The following IQCH variants were observed in gnomAD, a reference collection of about 807,000 sequenced individuals.
IQCH encodes the protein IQ motif containing H.
Under a neutral mutation model 117.0 loss-of-function variants are expected in IQCH, and 98 were observed. The ratio of observed to expected loss-of-function variants is 0.84; its 90% CI spans 0.71 to 0.99. The LOEUF (loss-of-function observed/expected upper bound fraction) is 0.99, where lower values mean the gene tolerates loss of function less well. Among genes scored for constraint, IQCH ranks in the 50% least tolerant of loss-of-function variants. The probability of loss-of-function intolerance (pLI) is 0.00; values close to 1 mark genes in which losing one functional copy is unlikely to be tolerated. For missense variants in IQCH, 1,102 were observed against 1,243.8 expected, an observed-to-expected ratio of 0.89 and a Z score of 1.72; for synonymous variants, 412 against 448.2, an observed-to-expected ratio of 0.92 and a Z score of 1.02.
Position 67,416,844 on chromosome 15 carries a change from T to G in IQCH, c.2098-87T>G. ...ACAGTAACCACATTTTTTTTGCCTGTTGGAGGCCTGGTTTTTAATCACTCC... is the reference window on the plus strand; with the variant it reads ...ACAGTAACCACATTTTTTTTGCCTGGTGGAGGCCTGGTTTTTAATCACTCC... On this transcript the variant is annotated intron_variant, in intron 14 of 20. Coordinates refer to ENST00000335894, the MANE Select transcript of IQCH (RefSeq NM_001031715.3). The surrounding 1 kb of genome is among the most constrained non-coding windows in gnomAD (Gnocchi z 5.1). 8 of 1,135,568 alleles carry G rather than the reference T, an allele frequency of 7.0e-6. No homozygotes were observed. The highest frequency in any genetic ancestry group is 3.0e-5 in the East Asian group (1 of 33,148). The allele number at this position is 1,135,568 out of a possible 1,614,324, so 70.3% of individuals were successfully genotyped here.
At chr15:67,357,113 A>G (rs1299138679) in intron 6 of IQCH, among the ~76,000 whole-genome samples, 1 of 152,208 alleles carries the variant, frequency 6.6e-6, no homozygotes, top group Non-Finnish European at 1.5e-5. Context: ...GGCAGTTTGC[A>G]TAAGGCGGGC....
rs533342227 is a variant in IQCH, at chr15:67,500,247, T to C, written c.2971-386T>C. ...TTTAGGGTGACTAGACCAATGCTTCTCAAATTATCCATAATAAGGAAACTA... is the reference window on the plus strand; with the variant it reads ...TTTAGGGTGACTAGACCAATGCTTCCCAAATTATCCATAATAAGGAAACTA... On this transcript the variant is annotated intron_variant, in intron 20 of 20. Coordinates refer to ENST00000335894, the MANE Select transcript of IQCH (RefSeq NM_001031715.3). This position sits in a 1 kb window ranked among gnomAD's most constrained non-coding sequence, Gnocchi z 4.4. Among the ~76,000 whole-genome samples, 4 of 152,300 alleles carry C rather than the reference T, an allele frequency of 2.6e-5. No homozygotes were observed. The highest frequency in any genetic ancestry group is 7.2e-5 in the African/African-American group (3 of 41,562).
chr15:67,462,197 C>T (rs981908558), intron 16 of IQCH, among the ~76,000 whole-genome samples: 2 of 151,182 alleles, frequency 1.3e-5, no homozygotes, highest in Non-Finnish European at 2.9e-5. Context: ...TTTGGGAGGC[C>T]GAGAGTGGAT....
rs1329522299 is a variant in IQCH, at chr15:67,436,518, A to G, written c.2505+14941A>G. 6.6e-6 allele frequency among the ~76,000 whole-genome samples: 1 copy of G among 152,152 alleles called. No homozygotes were observed. The highest frequency in any genetic ancestry group is 1.5e-5 in the Non-Finnish European group (1 of 68,024). On this transcript the variant is annotated intron_variant, in intron 16 of 20. Coordinates refer to ENST00000335894, the MANE Select transcript of IQCH (RefSeq NM_001031715.3). The surrounding 1 kb of genome is among the most constrained non-coding windows in gnomAD (Gnocchi z 5.1). ...CGGTAAATCTCCACAGGGAGAAGGAATTCTCTAGCTAAAGTTTGTAACAAC... is the reference window on the plus strand; with the variant it reads ...CGGTAAATCTCCACAGGGAGAAGGAGTTCTCTAGCTAAAGTTTGTAACAAC...
At chr15:67,296,507 G>C (rs539409126) in intron 4 of IQCH, among the ~76,000 whole-genome samples, 1 of 152,220 alleles carries the variant, frequency 6.6e-6, no homozygotes, top group East Asian at 1.9e-4. Context: ...AGACGTATTG[G>C]ATTCAGTGAT....
At chr15:67,397,817 T>G (rs1464375096) in intron 13 of IQCH, among the ~76,000 whole-genome samples, 2 of 152,280 alleles carry the variant, frequency 1.3e-5, no homozygotes, top group African/African-American at 4.8e-5. Context: ...CATAAAGTCA[T>G]TTTGTTTAGG....
Position 67,358,207 on chromosome 15 carries a change from C to CTTTTTTTTTTTTTTTT in IQCH, c.714+801_714+802insTTTTTTTTTTTTTTTT, listed in dbSNP as rs71142373. Among the ~76,000 whole-genome samples, 100 of 10,454 alleles carry CTTTTTTTTTTTTTTTT rather than the reference C, an allele frequency of 9.6e-3. 44 individuals are homozygous for CTTTTTTTTTTTTTTTT. The highest frequency in any genetic ancestry group is 0.016 in the African/African-American group (48 of 2,910). The allele number at this position is 10,454 out of a possible 152,430, so 6.9% of individuals were successfully genotyped here. ...TAACCATCATGAGGCACTTTCTTTT[C>CTTTTTTTTTTTTTTTT]TTTTTTTTTTTTTTTGAGATGGAGT... is the stretch of plus-strand genomic sequence containing the variant. On this transcript the variant is annotated intron_variant, in intron 7 of 20. Coordinates refer to ENST00000335894, the MANE Select transcript of IQCH (RefSeq NM_001031715.3).
At position 67,286,571 on chromosome 15, in the gene IQCH, T is replaced by C. The variant is rs530729828; in HGVS notation, c.387+7059T>C. Among the ~76,000 whole-genome samples the C allele has an allele frequency of 1.3e-4, 20 of 149,036 alleles. No homozygotes were observed. In the South Asian group the frequency reaches 3.5e-3, roughly 26 times the overall value. ...CAGTATGATACTAGCTGTGGGTCTG[T>C]CATATATGGCTTTTATTTATTTATT... is the stretch of plus-strand genomic sequence containing the variant. On this transcript the variant is annotated intron_variant, in intron 4 of 20. Coordinates refer to ENST00000335894, the MANE Select transcript of IQCH (RefSeq NM_001031715.3).
At chr15:67,374,980 A>G (rs898042297) in intron 10 of IQCH, among the ~76,000 whole-genome samples, 8 of 152,330 alleles carry the variant, frequency 5.3e-5, no homozygotes, top group Non-Finnish European at 1.0e-4. Flanking sequence ...GGTGTGATAG[A>G]CACAAACTTC....
chr15:67,451,618 T>C (rs556176018), intron 16 of IQCH, among the ~76,000 whole-genome samples: 1 of 152,210 alleles, frequency 6.6e-6, no homozygotes, highest in East Asian at 1.9e-4. Context: ...TTATTTTACA[T>C]TTGCTGAGGA....
At position 67,496,350 on chromosome 15, in the gene IQCH, C is replaced by T. The variant is rs2083809762; in HGVS notation, c.2970+1984C>T. Among the ~76,000 whole-genome samples the T allele has an allele frequency of 6.6e-6, 1 of 152,140 alleles. No homozygotes were observed. The highest frequency in any genetic ancestry group is 1.5e-5 in the Non-Finnish European group (1 of 68,010). ...ATGTAACATTCTTTTCTGATAAAAA[C>T]ATTCAACAAAGTAAAAATAGAAGGT... On this transcript the variant is annotated intron_variant, in intron 20 of 20. Transcript: ENST00000335894. This position sits in a 1 kb window ranked among gnomAD's most constrained non-coding sequence, Gnocchi z 4.4.
intron 4 of IQCH, among the ~76,000 whole-genome samples, chr15:67,328,365 C>G (rs577845798): frequency 1.3e-5 from 2 of 152,238 alleles, no homozygotes; most frequent in East Asian, 1.9e-4. Context: ...ACATTCTTTG[C>G]TCTTTTTCTT....
Position 67,422,186 on chromosome 15 carries a change from T to C in IQCH, c.2505+609T>C, listed in dbSNP as rs1444708873. On this transcript the variant is annotated intron_variant, in intron 16 of 20. Coordinates refer to ENST00000335894, the MANE Select transcript of IQCH (RefSeq NM_001031715.3). This position sits in a 1 kb window ranked among gnomAD's most constrained non-coding sequence, Gnocchi z 4.7. Reference sequence around the variant, plus strand: ...CCCTCAATTCTGTCCATTAGTGTTATCCCTATGTATCATGAAACTATTTTA... The same window carrying C: ...CCCTCAATTCTGTCCATTAGTGTTACCCCTATGTATCATGAAACTATTTTA... 6.6e-6 allele frequency among the ~76,000 whole-genome samples: 1 copy of C among 152,070 alleles called. No individual in the cohort carries two copies. Among genetic ancestry groups the C allele is most frequent in the Non-Finnish European group, 1.5e-5 (1 of 68,026 alleles).
intron 5 of IQCH, among the ~76,000 whole-genome samples, chr15:67,343,494 A>G (rs1969258225): frequency 6.6e-6 from 1 of 152,252 alleles, no homozygotes; most frequent in African/African-American, 2.4e-5. Flanking sequence ...AATGCTAGGA[A>G]TTGTAAATTA....
chr15:67,396,146 A>T (rs921653340), intron 13 of IQCH, among the ~76,000 whole-genome samples: 1 of 152,304 alleles, frequency 6.6e-6, no homozygotes, highest in Admixed American at 6.5e-5. Context: ...ATTCATCATC[A>T]TATCAGCTTG....
chr15:67,450,015 G>A (rs1235654763), intron 16 of IQCH, among the ~76,000 whole-genome samples: 3 of 152,072 alleles, frequency 2.0e-5, no homozygotes, highest in Non-Finnish European at 4.4e-5. Flanking sequence ...CTCATGATTT[G>A]CCTCTCTGTT....
At chr15:67,435,190 G>A (rs2082109643) in intron 16 of IQCH, among the ~76,000 whole-genome samples, 1 of 151,550 alleles carries the variant, frequency 6.6e-6, no homozygotes, top group Non-Finnish European at 1.5e-5. Context: ...ATCTGAAGAG[G>A]TGTGAAGTGA....
In IQCH at chr15:67,261,359, G is replaced by A. The variant is rs1162359270; in HGVS notation, c.139G>A (p.Glu47Lys). The A allele has an allele frequency of 6.3e-7, 1 of 1,590,750 alleles. No individual in the cohort carries two copies. The highest frequency in any genetic ancestry group is 1.9e-5 in the Admixed American group (1 of 52,414). The change falls in exon 2 of 21, where the codon GAA becomes AAA. Residue 47 changes from glutamate to lysine, a missense_variant. Glu to Lys is a moderately conservative substitution (Grantham distance 56, BLOSUM62 1). Around this residue, in one of 2 missense-constraint regions of IQCH, gnomAD observed 452 missense variants for 449.6 expected, o/e 1.01. Coordinates refer to ENST00000335894, the MANE Select transcript of IQCH (RefSeq NM_001031715.3). ...KGETLDIQSL[E>K]TAIKRTEVGL... ...AGAGACTCTAGACATTCAGAGTCTT[G>A]AAACAGCAATCAAAAGGACTGAAGT...
rs767348919 is a variant in IQCH, at chr15:67,359,500, G to A, written c.715-347G>A. Among the ~76,000 whole-genome samples, 2 of 152,210 alleles carry A rather than the reference G, an allele frequency of 1.3e-5. No individual in the cohort carries two copies. The highest frequency in any genetic ancestry group is 4.8e-5 in the African/African-American group (2 of 41,466). On this transcript the variant is annotated intron_variant, in intron 7 of 20. Coordinates refer to ENST00000335894, the MANE Select transcript of IQCH (RefSeq NM_001031715.3). This position sits in a 1 kb window ranked among gnomAD's most constrained non-coding sequence, Gnocchi z 4.5. ...GAAGGACTTCAGTATGCCAAGCCTC[G>A]TGATAGAGCCAGTACAGACCTTTGA...
Sources: gnomAD v4.1 joint callset for allele counts (sites outside exome capture counted in the v4.1 genomes callset) on GRCh38, gnomAD v4.1.1 for gene constraint, gnomAD v4.1.1 regional missense constraint, Gnocchi (gnomAD v3.1) non-coding constraint, MANE v1.5 for transcripts, NCBI Gene and HGNC (gene_info 2026-07-23, HGNC 2026-07-21) for gene names.